MED13L: variants seen among roughly 807,000 people sequenced by gnomAD.
MED13L encodes mediator complex subunit 13L.
In MED13L, 7 loss-of-function variants were observed where a neutral mutation model predicts 220.9. The observed-to-expected ratio is 0.03, with a 90% CI of 0.02 to 0.06. The LOEUF (loss-of-function observed/expected upper bound fraction) is 0.06. MED13L is among the 10% of genes least tolerant of loss of function. The probability of loss-of-function intolerance (pLI) is 1.00; values close to 1 mark genes in which losing one functional copy is unlikely to be tolerated. For synonymous variants in MED13L, 1,011 were observed against 1,015.2 expected (o/e 1.00, Z 0.08); for missense variants, 1,965 against 2,760.5 (o/e 0.71, Z 6.46).
At chr12:116,153,302 T>C (rs966978963) in intron 2 of MED13L, among the ~76,000 whole-genome samples, 1 of 152,110 alleles carries the variant, frequency 6.6e-6, no homozygotes, top group African/African-American at 2.4e-5. Context: ...TCTCAGTCTA[T>C]TTGCCAAGAG....
chr12:115,987,376 AG>A, intron 17 of MED13L, 88 bp from the exon 18 acceptor site: 1 of 1,257,358 alleles, frequency 8.0e-7, no homozygotes, highest in Non-Finnish European at 1.1e-6. Flanking sequence ...AGTTATATTC[AG>A]AACAATGACG....
chr12:116,012,429 C>T (rs1268276787), intron 9 of MED13L, among the ~76,000 whole-genome samples: 1 of 152,196 alleles, frequency 6.6e-6, no homozygotes, highest in Non-Finnish European at 1.5e-5. Flanking sequence ...CAGAAAGTCT[C>T]TTTAATCCAA....
At chr12:116,095,786 G>A (rs1051643924) in intron 4 of MED13L, among the ~76,000 whole-genome samples, 2 of 152,134 alleles carry the variant, frequency 1.3e-5, no homozygotes, top group Non-Finnish European at 2.9e-5. Flanking sequence ...ACATTCAGAG[G>A]TAGCCAAAGT....
chr12:116,149,732 A>G (rs1877883454), intron 2 of MED13L, among the ~76,000 whole-genome samples: 1 of 151,694 alleles, frequency 6.6e-6, no homozygotes, highest in East Asian at 1.9e-4. Flanking sequence ...AGCAGAAGAA[A>G]CAACATGAAT....
At chr12:116,110,157 G>A (rs1185687982) in intron 3 of MED13L, 4 of 152,096 alleles carry the variant, frequency 2.6e-5, no homozygotes, top group African/African-American at 9.7e-5. Flanking sequence ...TCAGAGCCTG[G>A]AACATATTGC....
intron 1 of MED13L, among the ~76,000 whole-genome samples, chr12:116,250,146 A>G (rs1871405043): frequency 1.3e-5 from 2 of 151,912 alleles, no homozygotes. Flanking sequence ...TTACATAAGA[A>G]AAAACAAAGA....
chr12:116,069,039 T>C (rs1870173865), intron 4 of MED13L, among the ~76,000 whole-genome samples: 1 of 152,172 alleles, frequency 6.6e-6, no homozygotes, highest in Admixed American at 6.5e-5. Flanking sequence ...AGAAAACTCA[T>C]GCCCCAAGGA....
chr12:116,173,662 A>T (rs1879847472), intron 2 of MED13L, among the ~76,000 whole-genome samples: 1 of 152,158 alleles, frequency 6.6e-6, no homozygotes, highest in Non-Finnish European at 1.5e-5. Context: ...TGCCTTACAG[A>T]GCATGCATTT....
intron 2 of MED13L, among the ~76,000 whole-genome samples, chr12:116,194,349 G>A (rs1881483297): frequency 6.6e-6 from 1 of 152,046 alleles, no homozygotes; most frequent in South Asian, 2.1e-4. Flanking sequence ...ATTTTTAGTA[G>A]AGACAGGGTT....
At chr12:116,024,199 C>G (rs1473262540) in intron 4 of MED13L, among the ~76,000 whole-genome samples, 2 of 151,894 alleles carry the variant, frequency 1.3e-5, no homozygotes, top group African/African-American at 4.8e-5. Context: ...CAAATACAAC[C>G]AACATTTATC....
intron 2 of MED13L, among the ~76,000 whole-genome samples, chr12:116,154,106 T>C (rs189707237): frequency 6.6e-6 from 1 of 152,352 alleles, no homozygotes; most frequent in African/African-American, 2.4e-5. Flanking sequence ...CTGTGCTAAC[T>C]GATTTCCATG....
At chr12:115,978,485 C>T (rs1877108656) in intron 23 of MED13L, among the ~76,000 whole-genome samples, 1 of 152,202 alleles carries the variant, frequency 6.6e-6, no homozygotes, top group South Asian at 2.1e-4. Context: ...CGCCACCACG[C>T]CTGGCTAATT....
chr12:116,113,914 A>G (rs1593060006), intron 2 of MED13L, among the ~76,000 whole-genome samples: 1 of 151,834 alleles, frequency 6.6e-6, no homozygotes, highest in East Asian at 1.9e-4. Context: ...AAATAGAATA[A>G]CAAGTCCCAA....
intron 2 of MED13L, among the ~76,000 whole-genome samples, chr12:116,129,927 G>C (rs920932849): frequency 4.7e-5 from 7 of 149,234 alleles, no homozygotes; most frequent in Non-Finnish European, 1.0e-4. Flanking sequence ...AAAAAAGAAA[G>C]AAAGAAAGAA....
intron 2 of MED13L, among the ~76,000 whole-genome samples, chr12:116,183,768 T>C (rs1880683684): frequency 6.6e-6 from 1 of 151,988 alleles, no homozygotes; most frequent in African/African-American, 2.4e-5. Flanking sequence ...CATCAGATTA[T>C]TTCCCTGAGT....
chr12:116,233,135 TAGG>T (rs1203195857), intron 2 of MED13L, among the ~76,000 whole-genome samples: 1 of 150,668 alleles, frequency 6.6e-6, no homozygotes, highest in Non-Finnish European at 1.5e-5. Context: ...TTTGGTAGAT[TAGG>T]AGAAGTCCAC....
intron 2 of MED13L, among the ~76,000 whole-genome samples, chr12:116,164,686 G>A (rs1879124068): frequency 6.6e-6 from 1 of 152,084 alleles, no homozygotes; most frequent in African/African-American, 2.4e-5. Flanking sequence ...TTACACACAC[G>A]ACATCACAGA....
intron 4 of MED13L, among the ~76,000 whole-genome samples, chr12:116,056,284 T>G (rs999977959): frequency 7.5e-6 from 1 of 133,378 alleles, no homozygotes; most frequent in East Asian, 2.0e-4. Context: ...GTTTTTTGTT[T>G]GTTTTTTTTT....
chr12:115,968,053 T>TTCCCC (rs1491288278), intron 28 of MED13L, among the ~76,000 whole-genome samples: 36 of 40,606 alleles, frequency 8.9e-4, no homozygotes, highest in South Asian at 2.9e-3. Context: ...GGAATAAAAG[T>TTCCCC]CCCCCCCCCC....
Sources: allele counts gnomAD v4.1 joint callset (sites outside exome capture counted in the v4.1 genomes callset), GRCh38; gene constraint gnomAD v4.1.1; transcripts MANE v1.5; gene names NCBI Gene and HGNC (gene_info 2026-07-23, HGNC 2026-07-21).